ADCYAP1R1: variants seen among roughly 807,000 people sequenced by gnomAD.
ADCYAP1R1 encodes the protein pituitary adenylate cyclase-activating polypeptide type I receptor.
Under a neutral mutation model 67.6 loss-of-function variants are expected in ADCYAP1R1, and 44 were observed. The ratio of observed to expected loss-of-function variants is 0.65; its 90% CI spans 0.51 to 0.84. The LOEUF (loss-of-function observed/expected upper bound fraction) is 0.84. ADCYAP1R1 is among the 40% of genes least tolerant of loss of function. ADCYAP1R1 has a pLI of 0.00. For missense variants in ADCYAP1R1, 477 were observed against 587.9 expected (o/e 0.81, Z 1.95); for synonymous variants, 222 against 219.6 (o/e 1.01, Z -0.10).
chr7:31,087,470 CTG>C (rs1372792944), intron 11 of ADCYAP1R1, among the ~76,000 whole-genome samples, 155 bp from the exon 12 acceptor site: 1 of 152,224 alleles, frequency 6.6e-6, no homozygotes, highest in Non-Finnish European at 1.5e-5. Context: ...AGGCTGGAGT[CTG>C]TAGCCCGCTG....
intron 1 of ADCYAP1R1, among the ~76,000 whole-genome samples, chr7:31,060,291 A>G (rs1264322416): frequency 6.6e-6 from 1 of 152,166 alleles, no homozygotes; most frequent in East Asian, 1.9e-4. Context: ...TCTGAATCCA[A>G]GTATATCTTA....
intron 1 of ADCYAP1R1, among the ~76,000 whole-genome samples, chr7:31,056,743 A>G (rs890762065): frequency 2.6e-5 from 4 of 152,116 alleles, no homozygotes; most frequent in Admixed American, 2.6e-4. Flanking sequence ...TCTAAATGAG[A>G]AGCTGATCAC....
chr7:31,097,814 TGG>T (rs3216474), intron 13 of ADCYAP1R1, among the ~76,000 whole-genome samples: 2 of 150,474 alleles, frequency 1.3e-5, no homozygotes, highest in Non-Finnish European at 3.0e-5. Context: ...CAGATACAGT[TGG>T]GGGGGGGTCT....
At position 31,093,705 on chromosome 7, in the gene ADCYAP1R1, A is replaced by G. The variant is rs545884506; in HGVS notation, c.1046+970A>G. ...TGTGTGGCTTCTCCGCTCCTTCAGA[A>G]GAAAGCAGATGAGGAGGAGCTGAGG... On this transcript the variant is annotated intron_variant, in intron 13 of 15. Transcript: ENST00000304166. Among the ~76,000 whole-genome samples, 175 of 152,252 alleles carry G rather than the reference A, an allele frequency of 1.1e-3. 2 individuals are homozygous for G. The highest frequency in any genetic ancestry group is 0.01 in the Middle Eastern group (3 of 292).
chr7:31,092,628 T>A lies in ADCYAP1R1; in HGVS notation c.955-16T>A. On this transcript the variant is annotated splice_polypyrimidine_tract_variant and intron_variant, in intron 12 of 15. Coordinates refer to ENST00000304166, the MANE Select transcript of ADCYAP1R1 (RefSeq NM_001118.5). ...CAGAATCATGTCCATCTGCTTTTTT[T>A]TTTTTTGCTCCTTAGGTTAACTTTG... is the stretch of plus-strand genomic sequence containing the variant. 1 of 1,601,180 alleles carries A rather than the reference T, an allele frequency of 6.2e-7. No individual in the cohort carries two copies. Among genetic ancestry groups the A allele is most frequent in the Non-Finnish European group, 8.5e-7 (1 of 1,175,640 alleles).
At chr7:31,053,979 C>G (rs1042718881) in intron 1 of ADCYAP1R1, among the ~76,000 whole-genome samples, 9 of 152,192 alleles carry the variant, frequency 5.9e-5, no homozygotes, top group Non-Finnish European at 1.2e-4. Context: ...CCCAGGTTTT[C>G]TCAGGAGACC....
chr7:31,106,287 G>A (rs542581444), intron 15 of ADCYAP1R1, among the ~76,000 whole-genome samples: 1 of 152,330 alleles, frequency 6.6e-6, no homozygotes, highest in Admixed American at 6.5e-5. Context: ...AAGGGAAGGG[G>A]CTGTTCCGGT....
At chr7:31,065,176 T>C (rs1243480047) in intron 3 of ADCYAP1R1, among the ~76,000 whole-genome samples, 1 of 152,106 alleles carries the variant, frequency 6.6e-6, no homozygotes, top group Non-Finnish European at 1.5e-5. Flanking sequence ...GGCTGCCTTC[T>C]CTCCCACAGG....
intron 13 of ADCYAP1R1, chr7:31,095,546 G>C: frequency 1.4e-6 from 1 of 699,720 alleles, no homozygotes; most frequent in South Asian, 1.5e-5. Flanking sequence ...AGTGAATGGG[G>C]GGAGAGGGAG....
chr7:31,085,489 G>A (rs373898315), intron 9 of ADCYAP1R1, 47 bp downstream of exon 9: 53 of 1,574,182 alleles, frequency 3.4e-5, no homozygotes, highest in East Asian at 2.3e-4. Flanking sequence ...GGAAGGTCCC[G>A]CACCATCCCC....
rs772811188 is a variant in ADCYAP1R1 at position 31,085,459 on chromosome 7, G to A, written c.669+17G>A. On this transcript the variant is annotated intron_variant, in intron 9 of 15. Transcript: ENST00000304166. ...ATCTCCACTGTGAGTGAGCCAAGCA[G>A]ACCCATTAGGGCTCTGCCGGGAAGG... 9.3e-6 allele frequency: 15 copies of A among 1,609,894 alleles called. No homozygotes were observed. The East Asian group carries it at 3.1e-4, about 33-fold the overall frequency.
intron 3 of ADCYAP1R1, among the ~76,000 whole-genome samples, chr7:31,071,141 C>T (rs866736623): frequency 6.6e-6 from 1 of 152,224 alleles, no homozygotes; most frequent in African/African-American, 2.4e-5. Context: ...GTGCCCTGCT[C>T]TATGGAGTTT....
rs1246732899 is a variant in ADCYAP1R1 at position 31,110,751 on chromosome 7, C to G, written c.*4067C>G. ...ACCTGCTCTGTGATCCAGGGCTTAC[C>G]TTCTTTGGGCCTCGGCCTCCTAATC... On this transcript the variant is annotated 3_prime_UTR_variant, in exon 16 of 16. Transcript: ENST00000304166. The G allele has an allele frequency of 2.0e-5, 3 of 152,450 alleles. No individual in the cohort carries two copies. Among genetic ancestry groups the G allele is most frequent in the Admixed American group, 2.0e-4 (3 of 15,300 alleles). 9.4% of individuals were successfully genotyped at this position (152,450 alleles called of 1,614,324 possible). A position where few individuals can be genotyped will look rare whatever the true frequency, so the allele number is the denominator to read the frequency against.
intron 13 of ADCYAP1R1, among the ~76,000 whole-genome samples, chr7:31,097,644 T>C (rs1796254380): frequency 6.6e-6 from 1 of 150,658 alleles, no homozygotes; most frequent in South Asian, 2.1e-4. Context: ...TGGAATACTT[T>C]CAAAAAATCC....
intron 2 of ADCYAP1R1, among the ~76,000 whole-genome samples, chr7:31,063,950 C>T (rs1200967255): frequency 6.6e-6 from 1 of 152,246 alleles, no homozygotes; most frequent in Non-Finnish European, 1.5e-5. Flanking sequence ...AATCAAATGC[C>T]TTGTGACTGC....
chr7:31,096,472 T>G (rs1365641150), intron 13 of ADCYAP1R1, among the ~76,000 whole-genome samples: 1 of 152,146 alleles, frequency 6.6e-6, no homozygotes, highest in Non-Finnish European at 1.5e-5. Context: ...AAGTTCATGT[T>G]AGGGGCTGGC....
chr7:31,098,031 G>C (rs996100243), intron 13 of ADCYAP1R1, among the ~76,000 whole-genome samples: 1 of 152,032 alleles, frequency 6.6e-6, no homozygotes, highest in African/African-American at 2.4e-5. Context: ...CTCCCAAGTA[G>C]CTGGGACTGC....
chr7:31,080,567 C>G (rs201519819), intron 4 of ADCYAP1R1, 46 bp from the exon 5 acceptor site: 1 of 1,605,838 alleles, frequency 6.2e-7, no homozygotes, highest in Non-Finnish European at 8.5e-7. Flanking sequence ...TCTCACCCCG[C>G]TGCTCACCTC....
intron 2 of ADCYAP1R1, among the ~76,000 whole-genome samples, chr7:31,064,112 G>C (rs1030584490): frequency 6.6e-6 from 1 of 152,222 alleles, no homozygotes; most frequent in Non-Finnish European, 1.5e-5. Context: ...CTATTAACCA[G>C]TGGTATAACT....
Sources: gnomAD v4.1 joint callset for allele counts (sites outside exome capture counted in the v4.1 genomes callset) on GRCh38, gnomAD v4.1.1 for gene constraint, MANE v1.5 for transcripts, NCBI Gene and HGNC (gene_info 2026-07-23, HGNC 2026-07-21) for gene names.